Variants in NAPEPLD observed in about 807,000 individuals in gnomAD.
NAPEPLD encodes the protein N-acyl-phosphatidylethanolamine-hydrolyzing phospholipase D.
Under a neutral mutation model 38.1 loss-of-function variants are expected in NAPEPLD, and 23 were observed. The observed-to-expected ratio is 0.60, with a 90% CI of 0.43 to 0.86. The LOEUF (loss-of-function observed/expected upper bound fraction) is 0.86, where lower values mean the gene tolerates loss of function less well. Among genes scored for constraint, NAPEPLD ranks in the 40% least tolerant of loss-of-function variants. The pLI is 0.00. For missense variants in NAPEPLD, 411 were observed against 476.8 expected, an observed-to-expected ratio of 0.86 and a Z score of 1.28; for synonymous variants, 147 against 162.0, an observed-to-expected ratio of 0.91 and a Z score of 0.71.
At chr7:103,128,938 C>A in intron 1 of NAPEPLD, 146 bp from the exon 2 acceptor site, 2 of 893,600 alleles carry the variant, frequency 2.2e-6, no homozygotes, top group Non-Finnish European at 3.3e-6. Flanking sequence ...TCCTGCAAGG[C>A]ACAATTTTAG....
intron 2 of NAPEPLD, among the ~76,000 whole-genome samples, chr7:103,125,308 AGAGTAT>A (rs1422697478): frequency 1.3e-5 from 2 of 152,238 alleles, no homozygotes; most frequent in Non-Finnish European, 2.9e-5. Context: ...ATGTGTATTA[AGAGTAT>A]AAGATCTATC....
intron 2 of NAPEPLD, among the ~76,000 whole-genome samples, chr7:103,122,102 C>CTTT (rs576597640): frequency 7.1e-6 from 1 of 141,288 alleles, no homozygotes; most frequent in Non-Finnish European, 1.6e-5. Flanking sequence ...GAGGAAGCAT[C>CTTT]TTTTTTTTTT....
chr7:103,144,870 G>C (rs1169282596), intron 1 of NAPEPLD, among the ~76,000 whole-genome samples: 1 of 152,002 alleles, frequency 6.6e-6, no homozygotes, highest in Non-Finnish European at 1.5e-5. Flanking sequence ...AAATTAGCCA[G>C]GCATGGTAGT....
rs1802694047 is a variant in NAPEPLD, at chr7:103,103,496, G to C, written c.1115C>G (p.Ala372Gly). The C allele has an allele frequency of 3.1e-6, 5 of 1,599,524 alleles. No homozygotes were observed. In the East Asian group the frequency reaches 1.1e-4, roughly 36 times the overall value. Residue 372 changes from alanine to glycine, a missense_variant, in exon 5 of 5, where the codon GCT becomes GGT. Ala to Gly is a moderately conservative substitution (Grantham distance 60). Coordinates refer to ENST00000465647, the MANE Select transcript of NAPEPLD (RefSeq NM_001122838.3). ...ATGCTTCAAGACAAAAAAATCTTCA[G>C]CGTTAAGTCCGTATCTCTCTAGAGC... The part of the protein sequence containing the change: ...NEALERYGLN[A>G]EDFFVLKHGE...
intron 1 of NAPEPLD, among the ~76,000 whole-genome samples, chr7:103,144,492 T>C (rs562712777): frequency 6.6e-6 from 1 of 152,202 alleles, no homozygotes; most frequent in African/African-American, 2.4e-5. Context: ...CAACAAATAA[T>C]TGGTTCTGTA....
chr7:103,119,604 G>C lies in NAPEPLD; in HGVS notation c.914C>G (p.Ala305Gly). The C allele has an allele frequency of 6.2e-7, 1 of 1,614,094 alleles. No homozygotes were observed. The highest frequency in any genetic ancestry group is 8.5e-7 in the Non-Finnish European group (1 of 1,180,010). ...CGGTTCATAAGCTCCGATGGGAATA[G>C]CTGCAAGGTCAAAAGGTCCAAATCT... ...GKRFGPFDLA[A>G]IPIGAYEPRW... The change falls in exon 3 of 5, where the codon GCT (alanine) becomes GGT (glycine). Residue 305 changes from alanine (A) to glycine (G), a missense_variant. Ala to Gly is a moderately conservative substitution (Grantham distance 60). Coordinates refer to ENST00000465647, the MANE Select transcript of NAPEPLD (RefSeq NM_001122838.3).
At chr7:103,106,241 G>A (rs551950000) in intron 4 of NAPEPLD, among the ~76,000 whole-genome samples, 3 of 152,250 alleles carry the variant, frequency 2.0e-5, no homozygotes, top group African/African-American at 7.2e-5. Flanking sequence ...AATAGTGTTC[G>A]TAACAGGCAG....
At chr7:103,134,804 T>C (rs1455497157) in intron 1 of NAPEPLD, among the ~76,000 whole-genome samples, 2 of 152,192 alleles carry the variant, frequency 1.3e-5, no homozygotes, top group Non-Finnish European at 2.9e-5. Flanking sequence ...TATCCCTGTG[T>C]CTCCAACCAA....
intron 4 of NAPEPLD, among the ~76,000 whole-genome samples, chr7:103,111,505 G>A (rs1008522442): frequency 6.6e-6 from 1 of 152,162 alleles, no homozygotes; most frequent in Non-Finnish European, 1.5e-5. Flanking sequence ...TACAAGCAAT[G>A]GGGAAAGGAT....
intron 2 of NAPEPLD, among the ~76,000 whole-genome samples, chr7:103,125,760 G>A (rs1379411995): frequency 1.3e-5 from 2 of 151,890 alleles, no homozygotes; most frequent in African/African-American, 2.4e-5. Context: ...GGTGGCAGGC[G>A]CCCATGGTCC....
At chr7:103,103,639 C>A (rs1802725968) in intron 4 of NAPEPLD, 85 bp from the exon 5 acceptor site, 1 of 1,366,560 alleles carries the variant, frequency 7.3e-7, no homozygotes, top group East Asian at 2.6e-5. Context: ...ACTAAAATAA[C>A]CAACAGATGC....
At chr7:103,127,699 C>A (rs893474795) in intron 2 of NAPEPLD, 1 of 151,952 alleles carries the variant, frequency 6.6e-6, no homozygotes, top group Admixed American at 6.6e-5. Context: ...AAATAATTGT[C>A]ATAAATACAC....
chr7:103,148,327 A>G (rs1366435015), intron 1 of NAPEPLD, among the ~76,000 whole-genome samples: 2 of 152,154 alleles, frequency 1.3e-5, no homozygotes, highest in Non-Finnish European at 2.9e-5. Context: ...CAAGAACTAA[A>G]TGACTTTTTA....
At chr7:103,124,648 C>G (rs537803963) in intron 2 of NAPEPLD, among the ~76,000 whole-genome samples, 1 of 152,102 alleles carries the variant, frequency 6.6e-6, no homozygotes, top group Non-Finnish European at 1.5e-5. Context: ...TTAACCAGTA[C>G]GCTAGTTAAT....
chr7:103,110,138 G>A (rs1272676513), intron 4 of NAPEPLD, among the ~76,000 whole-genome samples: 4 of 152,142 alleles, frequency 2.6e-5, no homozygotes, highest in African/African-American at 7.2e-5. Flanking sequence ...TCTACCAGAG[G>A]TACAAAGAGG....
intron 1 of NAPEPLD, 100 bp from the exon 2 acceptor site, chr7:103,128,892 A>G (rs1441016961): frequency 8.1e-7 from 1 of 1,239,212 alleles, no homozygotes; most frequent in Non-Finnish European, 1.1e-6. Flanking sequence ...CTCTAAACTT[A>G]TAAAAATATT....
At chr7:103,135,050 C>A (rs6976290) in intron 1 of NAPEPLD, among the ~76,000 whole-genome samples, 138,583 of 152,248 alleles carry the variant, frequency 0.91, 64,457 homozygotes, top group East Asian at 1. Context: ...TAAAACATAC[C>A]TTTGGGATTT....
chr7:103,131,290 T>C (rs1255099553), intron 1 of NAPEPLD, among the ~76,000 whole-genome samples: 1 of 152,162 alleles, frequency 6.6e-6, no homozygotes, highest in African/African-American at 2.4e-5. Context: ...GACACTTTGA[T>C]TCAAAGACCA....
intron 2 of NAPEPLD, among the ~76,000 whole-genome samples, chr7:103,125,598 T>TA (rs1231818716): frequency 1.3e-5 from 2 of 152,050 alleles, no homozygotes; most frequent in Admixed American, 6.6e-5. Flanking sequence ...ATGAAACAAA[T>TA]AGGGCCAGGC....
Sources: gnomAD v4.1 joint callset for allele counts (sites outside exome capture counted in the v4.1 genomes callset) on GRCh38, gnomAD v4.1.1 for gene constraint, MANE v1.5 for transcripts, NCBI Gene and HGNC (gene_info 2026-07-23, HGNC 2026-07-21) for gene names.